The following ELOVL2 variants were observed in gnomAD, a reference collection of about 807,000 sequenced individuals.
ELOVL2 encodes ELOVL fatty acid elongase 2.
In ELOVL2, 38 loss-of-function variants were observed where a neutral mutation model predicts 37.7. The observed-to-expected ratio is 1.01, with a 90% confidence interval of 0.78 to 1.32. ELOVL2 has a LOEUF of 1.32. Among genes scored for constraint, ELOVL2 ranks in the 40% most tolerant of loss-of-function variants. ELOVL2 has a pLI of 0.00. For synonymous variants in ELOVL2, 115 were observed against 122.3 expected (o/e 0.94, Z 0.40); for missense variants, 352 against 363.6 (o/e 0.97, Z 0.26).
At chr6:11,010,307 C>T (rs1782553521) in intron 2 of ELOVL2, among the ~76,000 whole-genome samples, 1 of 151,742 alleles carries the variant, frequency 6.6e-6, no homozygotes, top group Non-Finnish European at 1.5e-5. Context: ...CAGGCATGAG[C>T]CTCCACACCC....
At chr6:10,995,234 T>C in intron 4 of ELOVL2, 56 bp from the exon 5 acceptor site, 1 of 1,341,808 alleles carries the variant, frequency 7.5e-7, no homozygotes, top group Non-Finnish European at 1.0e-6. Context: ...TTCCTGGTGC[T>C]GCCCCACTGC....
intron 1 of ELOVL2, among the ~76,000 whole-genome samples, chr6:11,041,101 G>A (rs1033994319): frequency 2.0e-5 from 3 of 152,188 alleles, no homozygotes; most frequent in African/African-American, 7.2e-5. Context: ...AGCTACTGAT[G>A]CTGGCGTATT....
In ELOVL2 at chr6:10,982,376, G is replaced by C. The variant is rs1297782202; in HGVS notation, c.*1405C>G. On this transcript the variant is annotated 3_prime_UTR_variant, in exon 8 of 8. Transcript: ENST00000354666. ...ATGCCTTTCTGGTGTGCATGTATTT[G>C]ATGTCAGTGTCAGGACCTAAAAACT... is the stretch of plus-strand genomic sequence containing the variant. The C allele has an allele frequency of 6.6e-6, 1 of 152,142 alleles. No individual in the cohort carries two copies. The highest frequency in any genetic ancestry group is 1.5e-5 in the Non-Finnish European group (1 of 68,042). 9.4% of individuals were successfully genotyped at this position (152,142 alleles called of 1,614,324 possible).
chr6:11,040,285 G>A (rs1255573264), intron 1 of ELOVL2, among the ~76,000 whole-genome samples: 1 of 152,154 alleles, frequency 6.6e-6, no homozygotes, highest in East Asian at 1.9e-4. Flanking sequence ...AAGGGTGTAA[G>A]AGCTTTAAGA....
intron 7 of ELOVL2, among the ~76,000 whole-genome samples, chr6:10,988,978 A>G (rs1782096543): frequency 6.6e-6 from 1 of 152,240 alleles, no homozygotes; most frequent in African/African-American, 2.4e-5. Context: ...ACCAATTTTT[A>G]AACATGAAAT....
At chr6:10,989,446 A>G (rs1377234256) in intron 7 of ELOVL2, among the ~76,000 whole-genome samples, 1 of 152,238 alleles carries the variant, frequency 6.6e-6, no homozygotes, top group Non-Finnish European at 1.5e-5. Flanking sequence ...TGAGGTCAGG[A>G]GTTCAAGACC....
At chr6:11,024,005 T>G (rs190728098) in intron 1 of ELOVL2, among the ~76,000 whole-genome samples, 27 of 152,344 alleles carry the variant, frequency 1.8e-4, no homozygotes, top group Admixed American at 1.2e-3. Flanking sequence ...TAATTCACCT[T>G]AATTCATTCA....
At chr6:10,999,028 T>A (rs966745086) in intron 4 of ELOVL2, among the ~76,000 whole-genome samples, 1 of 152,190 alleles carries the variant, frequency 6.6e-6, no homozygotes, top group Non-Finnish European at 1.5e-5. Context: ...CATAGTGTAC[T>A]ATCACAGTGT....
chr6:10,999,387 T>G (rs1782332756), intron 4 of ELOVL2, among the ~76,000 whole-genome samples: 1 of 151,732 alleles, frequency 6.6e-6, no homozygotes, highest in Non-Finnish European at 1.5e-5. Flanking sequence ...ATGCTTTTTT[T>G]TTTTTTTAGA....
chr6:11,010,638 A>G, intron 2 of ELOVL2, 108 bp downstream of exon 2: 1 of 887,168 alleles, frequency 1.1e-6, no homozygotes, highest in Non-Finnish European at 1.8e-6. Flanking sequence ...CTAAATATTA[A>G]GTACCTTACT....
Position 10,983,223 on chromosome 6 carries a change from G to A in ELOVL2, c.*558C>T, listed in dbSNP as rs1050459198. On this transcript the variant is annotated 3_prime_UTR_variant, in exon 8 of 8. Transcript: ENST00000354666. ...GTGGTTGTGGGAATCTGATAGACAA[G>A]ACTCTGGCTTACAGAAAGAGAAGTT... The A allele has an allele frequency of 6.6e-6, 1 of 152,142 alleles. No individual in the cohort carries two copies. Among genetic ancestry groups the A allele is most frequent in the African/African-American group, 2.4e-5 (1 of 41,420 alleles). 9.4% of individuals were successfully genotyped at this position (152,142 alleles called of 1,614,324 possible).
intron 7 of ELOVL2, among the ~76,000 whole-genome samples, chr6:10,987,017 C>G (rs1782064453): frequency 6.6e-6 from 1 of 152,212 alleles, no homozygotes; most frequent in South Asian, 2.1e-4. Flanking sequence ...ATTATTTCCA[C>G]AATTTCAGAG....
chr6:11,009,942 A>C (rs1782543520), intron 2 of ELOVL2, among the ~76,000 whole-genome samples: 1 of 152,100 alleles, frequency 6.6e-6, no homozygotes, highest in East Asian at 1.9e-4. Flanking sequence ...CAGTACAGTA[A>C]GCGACTGGTG....
At chr6:11,006,418 G>A (rs1274049208) in intron 2 of ELOVL2, among the ~76,000 whole-genome samples, 1 of 152,192 alleles carries the variant, frequency 6.6e-6, no homozygotes, top group Non-Finnish European at 1.5e-5. Context: ...AATGATTTGT[G>A]TTCTCTATTC....
At chr6:10,998,541 T>C (rs1026474960) in intron 4 of ELOVL2, among the ~76,000 whole-genome samples, 64 of 152,210 alleles carry the variant, frequency 4.2e-4, no homozygotes, top group African/African-American at 1.4e-3. Context: ...GTTTTTTACA[T>C]ATTTAATGTT....
chr6:10,987,168 T>A (rs1177953049), intron 7 of ELOVL2, among the ~76,000 whole-genome samples: 1 of 152,352 alleles, frequency 6.6e-6, no homozygotes, highest in East Asian at 1.9e-4. Flanking sequence ...TGATGGTAGT[T>A]TGTATTTCTG....
At position 11,039,802 on chromosome 6, in the gene ELOVL2, G is replaced by A. The variant is rs146474205; in HGVS notation, c.3+4426C>T. On this transcript the variant is annotated intron_variant, in intron 1 of 7. Coordinates refer to ENST00000354666, the MANE Select transcript of ELOVL2 (RefSeq NM_017770.4). ...TTTTACTATCAGACTATCTGTGAAA[G>A]TAATTATACTTCTCTGGATATTTGA... Among the ~76,000 whole-genome samples the A allele has an allele frequency of 3.4e-3, 510 of 152,228 alleles. 2 individuals carry two copies. The highest frequency in any genetic ancestry group is 0.012 in the African/African-American group (490 of 41,528).
chr6:10,995,304 A>AGC (rs1782245873), intron 4 of ELOVL2, 126 bp from the exon 5 acceptor site: 2 of 703,170 alleles, frequency 2.8e-6, no homozygotes, highest in Admixed American at 5.4e-5. Flanking sequence ...CTGAAAAGGC[A>AGC]GCTCACCTGG....
At chr6:10,993,009 A>T (rs1247928131) in intron 5 of ELOVL2, among the ~76,000 whole-genome samples, 3 of 152,196 alleles carry the variant, frequency 2.0e-5, no homozygotes, top group Non-Finnish European at 4.4e-5. Flanking sequence ...TCTGGGCAAC[A>T]CAGAGAGACC....
Sources: allele counts gnomAD v4.1 joint callset (sites outside exome capture counted in the v4.1 genomes callset), GRCh38; gene constraint gnomAD v4.1.1; transcripts MANE v1.5; gene names NCBI Gene and HGNC (gene_info 2026-07-23, HGNC 2026-07-21).